The following CNTN6 variants were observed in gnomAD, a reference collection of about 807,000 sequenced individuals.
CNTN6 encodes the protein contactin-6.
A neutral mutation model predicts 122.8 loss-of-function variants in CNTN6; 137 were observed. The ratio of observed to expected loss-of-function variants is 1.12; its 90% CI spans 0.97 to 1.29. The LOEUF (loss-of-function observed/expected upper bound fraction) is 1.29, where lower values mean the gene tolerates loss of function less well. CNTN6 is among the 50% of genes most tolerant of loss of function. CNTN6 has a pLI of 0.00. For synonymous variants in CNTN6, 570 were observed against 426.0 expected (o/e 1.34, Z -4.16); for missense variants, 1,634 against 1,223.4 (o/e 1.34, Z -5.01).
chr3:1,392,335 G>A (rs555151293), intron 20 of CNTN6, among the ~76,000 whole-genome samples: 1 of 152,216 alleles, frequency 6.6e-6, no homozygotes, highest in African/African-American at 2.4e-5. Context: ...AATGGTGCTG[G>A]GAAAACTGGC....
chr3:1,119,322 C>CGTGTGTGTGTGTGTGTGT (rs369235352), intron 1 of CNTN6, among the ~76,000 whole-genome samples: 19,598 of 126,338 alleles, frequency 0.16, 2,055 homozygotes, highest in East Asian at 0.24. Context: ...ACAGAAAAAT[C>CGTGTGTGTGTGTGTGTGT]GTGTGTGTGT....
At chr3:1,242,398 C>T (rs1237690561) in intron 4 of CNTN6, among the ~76,000 whole-genome samples, 11 of 152,038 alleles carry the variant, frequency 7.2e-5, no homozygotes, top group South Asian at 2.1e-4. Context: ...TGATAAGGCG[C>T]AGATCCTGAA....
chr3:1,215,066 T>G (rs1432084858), intron 2 of CNTN6, among the ~76,000 whole-genome samples: 3 of 152,192 alleles, frequency 2.0e-5, no homozygotes, highest in Non-Finnish European at 4.4e-5. Flanking sequence ...TCCTTTCACT[T>G]TTACTTAGCT....
At chr3:1,181,165 C>T (rs2093547632) in intron 2 of CNTN6, among the ~76,000 whole-genome samples, 1 of 152,100 alleles carries the variant, frequency 6.6e-6, no homozygotes, top group African/African-American at 2.4e-5. Context: ...TTCTAATTCT[C>T]TTCCATTTTA....
At chr3:1,388,565 A>ATGAC (rs1198802976) in intron 20 of CNTN6, among the ~76,000 whole-genome samples, 6 of 150,896 alleles carry the variant, frequency 4.0e-5, no homozygotes, top group Admixed American at 6.6e-5. Context: ...TGGACGGAGA[A>ATGAC]TGACTTTGAC....
Position 1,311,370 on chromosome 3 carries a change from C to G in CNTN6, c.762-10280C>G, listed in dbSNP as rs1317291299. 1.7e-5 allele frequency among the ~76,000 whole-genome samples: 2 copies of G among 119,292 alleles called. 1 individual carries two copies. Among genetic ancestry groups the G allele is most frequent in the East Asian group, 5.2e-4 (2 of 3,848 alleles). 78.3% of individuals were successfully genotyped at this position (119,292 alleles called of 152,430 possible). ...ATGTCTTTATATGTACATATATGTA[C>G]ATATAAAATGTCTTTATATGTACAT... is the stretch of plus-strand genomic sequence containing the variant. On this transcript the variant is annotated intron_variant, in intron 7 of 22. Transcript: ENST00000446702.
intron 7 of CNTN6, among the ~76,000 whole-genome samples, chr3:1,309,407 G>A (rs574925225): frequency 8.5e-5 from 13 of 152,186 alleles, no homozygotes; most frequent in Admixed American, 2.6e-4. Context: ...ACTGTATTGC[G>A]TTTGCTCCTT....
At chr3:1,253,692 C>T (rs535843456) in intron 4 of CNTN6, among the ~76,000 whole-genome samples, 1 of 152,224 alleles carries the variant, frequency 6.6e-6, no homozygotes, top group Admixed American at 6.5e-5. Flanking sequence ...GCGCAGTTCA[C>T]AATAGGGTTC....
chr3:1,180,968 T>C (rs1559467835), intron 2 of CNTN6, among the ~76,000 whole-genome samples: 1 of 152,220 alleles, frequency 6.6e-6, no homozygotes, highest in African/African-American at 2.4e-5. Context: ...TACTTTTTTT[T>C]CTTTGCATTT....
chr3:1,323,477 A>G (rs1159394794), intron 8 of CNTN6, among the ~76,000 whole-genome samples: 2 of 151,786 alleles, frequency 1.3e-5, no homozygotes, highest in African/African-American at 4.8e-5. Context: ...TCTTAGTCAC[A>G]TATTAATTCA....
At chr3:1,268,532 G>A (rs1471489641) in intron 4 of CNTN6, among the ~76,000 whole-genome samples, 2 of 147,682 alleles carry the variant, frequency 1.4e-5, no homozygotes, top group Non-Finnish European at 3.0e-5. Flanking sequence ...GCGTGAACCC[G>A]GGAGGAGGAG....
At chr3:1,375,860 C>A (rs1435522381) in intron 16 of CNTN6, among the ~76,000 whole-genome samples, 1 of 152,034 alleles carries the variant, frequency 6.6e-6, no homozygotes, top group Non-Finnish European at 1.5e-5. Flanking sequence ...TGACTATTTT[C>A]TGGTCATGTT....
At chr3:1,264,395 C>A (rs550589721) in intron 4 of CNTN6, among the ~76,000 whole-genome samples, 52 of 152,104 alleles carry the variant, frequency 3.4e-4, no homozygotes, top group African/African-American at 1.1e-3. Context: ...AGCAGTTCAC[C>A]TCTTTGTAAA....
chr3:1,358,776 C>T (rs1707011446), intron 12 of CNTN6, among the ~76,000 whole-genome samples: 1 of 151,936 alleles, frequency 6.6e-6, no homozygotes, highest in Non-Finnish European at 1.5e-5. Flanking sequence ...CTTTCATCTT[C>T]TACAAAACTA....
rs749150128 is a variant in CNTN6, at chr3:1,329,892, A to G, written c.1321A>G (p.Ile441Val). Reference protein sequence around the residue: ...CKPNAFPRAAISWKRGTETLR... With the variant: ...CKPNAFPRAAVSWKRGTETLR... The stretch of plus-strand genomic sequence containing the variant: ...ACCAAATGCTTTTCCCAGGGCAGCT[A>G]TCTCTTGGAAAAGAGGAACGGAGAC... Residue 441 changes from isoleucine to valine, a missense_variant, in exon 11 of 23, where the codon ATC (isoleucine) becomes GTC (valine). Physicochemically the swap from Ile to Val is conservative, Grantham distance 29 (BLOSUM62 3). Coordinates refer to ENST00000446702, the MANE Select transcript of CNTN6 (RefSeq NM_001289080.2). The G allele has an allele frequency of 2.5e-6, 4 of 1,610,086 alleles. No homozygotes were observed. Among genetic ancestry groups the G allele is most frequent in the South Asian group, 1.1e-5 (1 of 90,734 alleles).
intron 1 of CNTN6, among the ~76,000 whole-genome samples, chr3:1,132,725 T>C (rs2092371820): frequency 2.6e-5 from 4 of 151,608 alleles, no homozygotes; most frequent in Non-Finnish European, 1.5e-5. Flanking sequence ...TCATCCTTGC[T>C]GGGGGTCACT....
chr3:1,356,906 A>C (rs1396112204), intron 12 of CNTN6, among the ~76,000 whole-genome samples: 2 of 151,948 alleles, frequency 1.3e-5, no homozygotes, highest in African/African-American at 4.8e-5. Context: ...TGAAACGTGA[A>C]TACTACAATC....
intron 7 of CNTN6, among the ~76,000 whole-genome samples, chr3:1,309,222 C>T (rs1046404813): frequency 2.0e-5 from 3 of 152,036 alleles, no homozygotes; most frequent in Middle Eastern, 3.2e-3. Context: ...CCAAGGTTAC[C>T]TAGATATTCT....
chr3:1,391,254 A>G (rs1237364313), intron 20 of CNTN6, among the ~76,000 whole-genome samples: 113 of 115,210 alleles, frequency 9.8e-4, no homozygotes, highest in Middle Eastern at 4.0e-3. Context: ...TTCAATATAC[A>G]CAAATCAATA....
Sources: allele counts gnomAD v4.1 joint callset (sites outside exome capture counted in the v4.1 genomes callset), GRCh38; gene constraint gnomAD v4.1.1; transcripts MANE v1.5; gene names NCBI Gene and HGNC (gene_info 2026-07-23, HGNC 2026-07-21).